The following GRID2 variants were observed in gnomAD, a reference collection of about 807,000 sequenced individuals.
GRID2 encodes the protein glutamate receptor ionotropic, delta-2.
A neutral mutation model predicts 114.8 loss-of-function variants in GRID2; 33 were observed. The ratio of observed to expected loss-of-function variants is 0.29; its 90% confidence interval spans 0.22 to 0.38. The LOEUF (loss-of-function observed/expected upper bound fraction) is 0.38, where lower values mean the gene tolerates loss of function less well. GRID2 is among the 10% of genes least tolerant of loss of function. GRID2 has a pLI of 1.00. For missense variants in GRID2, 1,184 were observed against 1,257.7 expected (o/e 0.94, Z 0.89); for synonymous variants, 505 against 449.9 (o/e 1.12, Z -1.55).
intron 2 of GRID2, among the ~76,000 whole-genome samples, chr4:92,712,231 G>A (rs1735292118): frequency 6.6e-6 from 1 of 151,920 alleles, no homozygotes; most frequent in South Asian, 2.1e-4. Context: ...TATGTATTTT[G>A]TATTTACAAT....
chr4:93,488,351 A>G (rs932106158), intron 11 of GRID2, among the ~76,000 whole-genome samples: 1 of 151,938 alleles, frequency 6.6e-6, no homozygotes, highest in Non-Finnish European at 1.5e-5. Flanking sequence ...TGGGTTCCAG[A>G]TATCAGAGGT....
At chr4:93,050,354 A>T (rs1010452594) in intron 2 of GRID2, among the ~76,000 whole-genome samples, 2 of 151,906 alleles carry the variant, frequency 1.3e-5, no homozygotes, top group African/African-American at 4.8e-5. Context: ...TTGCTTTTTT[A>T]AAAAAATTTA....
At chr4:92,941,758 C>T (rs184047572) in intron 2 of GRID2, among the ~76,000 whole-genome samples, 12 of 152,042 alleles carry the variant, frequency 7.9e-5, no homozygotes, top group South Asian at 2.1e-4. Context: ...CAGAGATTCT[C>T]GTATGTTGTG....
At chr4:92,760,481 A>G (rs1737953354) in intron 2 of GRID2, among the ~76,000 whole-genome samples, 1 of 152,042 alleles carries the variant, frequency 6.6e-6, no homozygotes, top group Non-Finnish European at 1.5e-5. Flanking sequence ...TGAAGGCACA[A>G]TGCCCTCACC....
intron 1 of GRID2, among the ~76,000 whole-genome samples, chr4:92,560,334 T>C (rs970939655): frequency 6.6e-6 from 1 of 152,202 alleles, no homozygotes; most frequent in Non-Finnish European, 1.5e-5. Context: ...GGTAGGCAGA[T>C]GCCAGGTGTA....
At chr4:92,954,644 T>C (rs1209982643) in intron 2 of GRID2, among the ~76,000 whole-genome samples, 1 of 150,700 alleles carries the variant, frequency 6.6e-6, no homozygotes, top group Admixed American at 6.6e-5. Flanking sequence ...CTTTAAGTTT[T>C]AGGGTACATG....
At chr4:93,205,069 T>G (rs569014934) in intron 4 of GRID2, among the ~76,000 whole-genome samples, 1 of 152,236 alleles carries the variant, frequency 6.6e-6, no homozygotes, top group African/African-American at 2.4e-5. Context: ...AGTTTCTAGT[T>G]TGAAGTCTTT....
At chr4:93,504,254 G>T in intron 12 of GRID2, among the ~76,000 whole-genome samples, 1 of 152,004 alleles carries the variant, frequency 6.6e-6, no homozygotes, top group East Asian at 1.9e-4. Flanking sequence ...GTTTCATGTA[G>T]TATTATTATG....
chr4:93,578,587 A>ATTTTTTTTTTTTTTTTTT (rs59397408), intron 13 of GRID2, among the ~76,000 whole-genome samples: 16 of 83,926 alleles, frequency 1.9e-4, no homozygotes, highest in African/African-American at 6.2e-4. Flanking sequence ...TGTTTTTTGT[A>ATTTTTTTTTTTTTTTTTT]TTTTTTTTTT....
chr4:93,157,759 ACT>A (rs1021117300), intron 4 of GRID2, among the ~76,000 whole-genome samples: 1 of 151,478 alleles, frequency 6.6e-6, no homozygotes, highest in Admixed American at 6.6e-5. Flanking sequence ...GACTTGCTGA[ACT>A]CTCATGCTCT....
chr4:93,728,444 G>GA (rs1345631364), intron 14 of GRID2, among the ~76,000 whole-genome samples: 1 of 152,080 alleles, frequency 6.6e-6, no homozygotes, highest in African/African-American at 2.4e-5. Context: ...GTGTGGTGCT[G>GA]AAAAAAATGT....
chr4:92,851,720 A>C (rs191236292), intron 2 of GRID2, among the ~76,000 whole-genome samples: 3 of 152,082 alleles, frequency 2.0e-5, no homozygotes, highest in Admixed American at 6.6e-5. Context: ...AACAAGGACC[A>C]AACTCTAAAT....
intron 2 of GRID2, among the ~76,000 whole-genome samples, chr4:92,715,166 A>G (rs1466367995): frequency 6.6e-6 from 1 of 152,108 alleles, no homozygotes; most frequent in African/African-American, 2.4e-5. Context: ...TCAAAGTTCC[A>G]CACATTTCTA....
At chr4:93,500,434 T>C (rs1171144036) in intron 12 of GRID2, among the ~76,000 whole-genome samples, 2 of 151,974 alleles carry the variant, frequency 1.3e-5, no homozygotes, top group Non-Finnish European at 2.9e-5. Flanking sequence ...CCCATTTTGA[T>C]GGTATTTTTG....
At chr4:93,223,770 CA>C (rs1198750570) in intron 6 of GRID2, among the ~76,000 whole-genome samples, 1 of 151,728 alleles carries the variant, frequency 6.6e-6, no homozygotes, top group Non-Finnish European at 1.5e-5. Context: ...TTATGTTTTC[CA>C]AAAAATTTTT....
intron 1 of GRID2, among the ~76,000 whole-genome samples, chr4:92,425,638 T>G (rs1181128275): frequency 6.6e-6 from 1 of 152,090 alleles, no homozygotes; most frequent in Non-Finnish European, 1.5e-5. Flanking sequence ...GCTTATTCTG[T>G]CTAGGCAACT....
chr4:92,575,063 T>C (rs1332922696), intron 1 of GRID2, among the ~76,000 whole-genome samples: 1 of 152,230 alleles, frequency 6.6e-6, no homozygotes, highest in African/African-American at 2.4e-5. Flanking sequence ...AGAAATATAG[T>C]CTTCAAGTTC....
At chr4:92,966,714 G>T (rs1167267393) in intron 2 of GRID2, among the ~76,000 whole-genome samples, 1 of 151,840 alleles carries the variant, frequency 6.6e-6, no homozygotes, top group Non-Finnish European at 1.5e-5. Flanking sequence ...TGCCATGATT[G>T]TGAGGCCTCC....
At chr4:92,355,956 G>GA (rs138228860) in intron 1 of GRID2, among the ~76,000 whole-genome samples, 10,621 of 151,566 alleles carry the variant, frequency 0.07, 422 homozygotes, top group Middle Eastern at 0.14. Flanking sequence ...TGTTGAAGGA[G>GA]AAAAAAACAC....
Sources: gnomAD v4.1 joint callset for allele counts (sites outside exome capture counted in the v4.1 genomes callset) on GRCh38, gnomAD v4.1.1 for gene constraint, MANE v1.5 for transcripts, NCBI Gene and HGNC (gene_info 2026-07-23, HGNC 2026-07-21) for gene names.